UNC13B: variants seen among roughly 807,000 people sequenced by gnomAD.
The protein encoded by UNC13B is unc-13 homolog B.
In UNC13B, 144 loss-of-function variants were observed where a neutral mutation model predicts 211.0. That is an observed-to-expected ratio of 0.68 (90% confidence interval 0.60 to 0.78). The LOEUF (loss-of-function observed/expected upper bound fraction) is 0.78. Ranked by LOEUF, UNC13B falls within the 30% of genes least tolerant of loss-of-function variation. The pLI, the probability that UNC13B is intolerant of heterozygous loss-of-function variation, is 0.00. For synonymous variants in UNC13B, 709 were observed against 725.8 expected (o/e 0.98, Z 0.37); for missense variants, 1,777 against 2,002.0 (o/e 0.89, Z 2.14).
chr9:35,224,950 A>G (rs569454973), intron 1 of UNC13B, among the ~76,000 whole-genome samples: 11 of 152,244 alleles, frequency 7.2e-5, no homozygotes, highest in African/African-American at 2.6e-4. Flanking sequence ...ATCTCAATAG[A>G]CATAGAAAAG....
At chr9:35,197,291 T>G (rs778286858) in intron 1 of UNC13B, among the ~76,000 whole-genome samples, 10 of 152,102 alleles carry the variant, frequency 6.6e-5, no homozygotes, top group Non-Finnish European at 1.3e-4. Flanking sequence ...TACTACAGCC[T>G]CCGCCTTCCA....
In UNC13B at chr9:35,162,165, AT is replaced by A; in HGVS notation, c.-118del. ...CGGGACGCTACCTGCGACCGGGACCATGAGGAGCTGCCAGACCCGTGGGGCC... is the reference window on the plus strand; with the variant it reads ...CGGGACGCTACCTGCGACCGGGACCAGAGGAGCTGCCAGACCCGTGGGGCC... On this transcript the variant is annotated 5_prime_UTR_variant, in exon 1 of 40. It removes an upstream start codon present in the reference 5' UTR. Transcript: ENST00000635942. The A allele has an allele frequency of 6.9e-7, 1 of 1,455,704 alleles. No individual in the cohort carries two copies. Among genetic ancestry groups the A allele is most frequent in the African/African-American group, 1.4e-5 (1 of 71,266 alleles). 90.2% of individuals were successfully genotyped at this position (1,455,704 alleles called of 1,614,324 possible).
chr9:35,402,408 A>G (rs1836377682), intron 37 of UNC13B, among the ~76,000 whole-genome samples: 1 of 150,144 alleles, frequency 6.7e-6, no homozygotes, highest in Non-Finnish European at 1.5e-5. Context: ...CAGCCTCCCT[A>G]GTAGCTGGGA....
intron 1 of UNC13B, among the ~76,000 whole-genome samples, chr9:35,209,215 C>T (rs891541000): frequency 6.6e-6 from 1 of 152,042 alleles, no homozygotes; most frequent in Admixed American, 6.6e-5. Context: ...CAGGCATATA[C>T]CACCGCACCG....
intron 16 of UNC13B, 75 bp downstream of exon 16, chr9:35,377,770 C>T (rs765693049): frequency 1.8e-5 from 26 of 1,441,546 alleles, no homozygotes; most frequent in Admixed American, 1.6e-4. Flanking sequence ...ACATCCTGAG[C>T]GTGAGGGAGC....
chr9:35,198,072 A>T (rs764566355), intron 1 of UNC13B, among the ~76,000 whole-genome samples: 2 of 152,230 alleles, frequency 1.3e-5, no homozygotes, highest in Non-Finnish European at 2.9e-5. Flanking sequence ...CACTTGGTGT[A>T]TATCTTTCCA....
At chr9:35,211,189 A>C (rs1823947372) in intron 1 of UNC13B, among the ~76,000 whole-genome samples, 1 of 152,238 alleles carries the variant, frequency 6.6e-6, no homozygotes, top group African/African-American at 2.4e-5. Context: ...GGTGAAAAGT[A>C]AATCTTCTCA....
chr9:35,265,738 A>G (rs1353511807), intron 7 of UNC13B, among the ~76,000 whole-genome samples: 1 of 152,182 alleles, frequency 6.6e-6, no homozygotes, highest in East Asian at 1.9e-4. Context: ...GAAGTTCAAG[A>G]CTAGTCCAAG....
chr9:35,390,914 C>G (rs1187520432), intron 26 of UNC13B, among the ~76,000 whole-genome samples, 200 bp downstream of exon 26: 3 of 152,202 alleles, frequency 2.0e-5, no homozygotes, highest in African/African-American at 4.8e-5. Flanking sequence ...ATGAAAATGG[C>G]TGTGTGGATG....
chr9:35,236,271 T>A lies in UNC13B; in HGVS notation c.153-198T>A, dbSNP rs369163695. ...CAGGTCTCTGGAACTTATTTAACTG[T>A]AACAAAGGCAGTTTTCTATGGATAC... On this transcript the variant is annotated intron_variant, in intron 3 of 39. Coordinates refer to ENST00000635942, the MANE Select transcript of UNC13B (RefSeq NM_001371189.2). Among the ~76,000 whole-genome samples the A allele has an allele frequency of 7.6e-4, 115 of 152,310 alleles. 1 individual carries two copies. In the South Asian group the frequency reaches 0.019, roughly 25 times the overall value.
chr9:35,351,941 T>C, intron 11 of UNC13B: 1 of 1,232,170 alleles, frequency 8.1e-7, no homozygotes, highest in Non-Finnish European at 1.0e-6. Flanking sequence ...GCGGGAACCT[T>C]TGGGGGATGT....
chr9:35,279,627 T>A (rs1828373933), intron 7 of UNC13B, among the ~76,000 whole-genome samples: 2 of 152,334 alleles, frequency 1.3e-5, no homozygotes, highest in Middle Eastern at 3.4e-3. Flanking sequence ...GAAATTGATA[T>A]TTTATATACA....
rs750328164 is a variant in UNC13B at position 35,381,127 on chromosome 9, CAG to C, written c.10404_10405del (p.Ala3470TyrfsTer27). On this transcript the variant is annotated frameshift_variant, in exon 19 of 40. Transcript: ENST00000635942. LOFTEE classifies it high-confidence loss of function. ...AAGAGGACAGACAAATCAGCCGTCT[CAG>C]GGGCTATCCGACTACAAATCAGTGT... is the stretch of plus-strand genomic sequence containing the variant. 3.1e-6 allele frequency: 5 copies of C among 1,614,018 alleles called. No individual in the cohort carries two copies. Among genetic ancestry groups the C allele is most frequent in the Non-Finnish European group, 4.2e-6 (5 of 1,180,038 alleles).
intron 11 of UNC13B, among the ~76,000 whole-genome samples, chr9:35,315,836 C>G (rs1029630650): frequency 9.2e-5 from 14 of 152,162 alleles, no homozygotes; most frequent in African/African-American, 2.9e-4. Flanking sequence ...GCATGTTCTT[C>G]AGTTTGGGTC....
At chr9:35,351,559 A>G in intron 11 of UNC13B, 2 of 1,232,350 alleles carry the variant, frequency 1.6e-6, no homozygotes, top group Non-Finnish European at 2.0e-6. Context: ...CAGAGGAAGA[A>G]ATCATGGTTA....
intron 17 of UNC13B, 37 bp downstream of exon 17, chr9:35,378,473 G>A (rs372781532): frequency 8.2e-5 from 133 of 1,613,162 alleles, no homozygotes; most frequent in Non-Finnish European, 1.0e-4. Flanking sequence ...CTGGGACTGT[G>A]TGTATTGGGG....
chr9:35,351,334 G>A, intron 11 of UNC13B: 2 of 1,223,338 alleles, frequency 1.6e-6, no homozygotes, highest in Non-Finnish European at 2.0e-6. Flanking sequence ...GCATGTGCGA[G>A]GTTTGGAGGC....
At chr9:35,250,633 A>C (rs1469205608) in intron 6 of UNC13B, among the ~76,000 whole-genome samples, 3 of 152,286 alleles carry the variant, frequency 2.0e-5, no homozygotes, top group African/African-American at 2.4e-5. Context: ...TTTATATACA[A>C]AATGTTGTGT....
intron 11 of UNC13B, among the ~76,000 whole-genome samples, chr9:35,327,974 T>A (rs545293858): frequency 6.6e-6 from 1 of 152,326 alleles, no homozygotes; most frequent in East Asian, 1.9e-4. Flanking sequence ...CAACAGTGAT[T>A]TCTTTAGGAA....
Sources: gnomAD v4.1 joint callset for allele counts (sites outside exome capture counted in the v4.1 genomes callset) on GRCh38, gnomAD v4.1.1 for gene constraint, MANE v1.5 for transcripts, NCBI Gene and HGNC (gene_info 2026-07-23, HGNC 2026-07-21) for gene names.